HCFC1: variants seen among roughly 807,000 people sequenced by gnomAD.
The protein encoded by HCFC1 is host cell factor C1, also known as host cell factor 1.
In HCFC1, 7 loss-of-function variants were observed where a neutral mutation model predicts 105.5. The observed-to-expected ratio is 0.07, with a 90% confidence interval of 0.04 to 0.12. HCFC1 has a LOEUF of 0.12. Among genes scored for constraint, HCFC1 ranks in the 10% least tolerant of loss-of-function variants. HCFC1 has a pLI of 1.00. For missense variants in HCFC1, 1,065 were observed against 1,823.6 expected, an observed-to-expected ratio of 0.58 and a Z score of 7.58; for synonymous variants, 918 against 828.1, an observed-to-expected ratio of 1.11 and a Z score of -1.86.
chrX:153,956,807 G>A (rs781808002), intron 14 of HCFC1, 44 bp from the exon 15 acceptor site: 4 of 1,208,198 alleles, frequency 3.3e-6, no homozygotes, highest in Non-Finnish European at 4.5e-6. Context: ...CCACCAGGCT[G>A]GTAGATGCCA....
At chrX:153,963,456 G>A (rs1557117533) in intron 3 of HCFC1, 23 bp from the exon 4 acceptor site, 3 of 1,119,948 alleles carry the variant, frequency 2.7e-6, no homozygotes, top group South Asian at 1.9e-5. Flanking sequence ...GATCAGTTAC[G>A]GCAAGTCTCG....
At chrX:153,955,944 G>T (rs1436808232) in intron 16 of HCFC1, among the ~76,000 whole-genome samples, 1 of 113,334 alleles carries the variant, frequency 8.8e-6, no homozygotes, top group Non-Finnish European at 1.9e-5. Flanking sequence ...GTAGAACACT[G>T]CGAGAGGAAG....
intron 20 of HCFC1, 34 bp from the exon 21 acceptor site, chrX:153,951,741 C>A: frequency 1.7e-6 from 2 of 1,183,297 alleles, no homozygotes; most frequent in East Asian, 3.0e-5. Flanking sequence ...GGGAAAGACT[C>A]GGGAAACCTG....
Position 153,959,452 on chromosome X carries a change from G to A in HCFC1, c.1484C>T (p.Thr495Ile), listed in dbSNP as rs2065408490. Reference protein sequence around the residue: ...AVLKVTGPQATTGTPLVTMRP... With the variant: ...AVLKVTGPQAITGTPLVTMRP... ...CATGGTGACCAATGGAGTTCCTGTTGTAGCCTGAGGACCGGTCACTTTGAG... is the reference window on the plus strand; with the variant it reads ...CATGGTGACCAATGGAGTTCCTGTTATAGCCTGAGGACCGGTCACTTTGAG... Residue 495 changes from threonine (T) to isoleucine (I), a missense_variant, in exon 9 of 26, where the codon ACA (threonine) becomes ATA (isoleucine). This residue lies in a region of HCFC1 where 101 missense variants were observed against 155.1 expected (regional missense o/e 0.65). Transcript: ENST00000310441. 1 of 1,210,355 alleles carries A rather than the reference G, an allele frequency of 8.3e-7. No homozygotes were observed. The highest frequency in any genetic ancestry group is 1.1e-6 in the Non-Finnish European group (1 of 895,130).
At position 153,950,379 on chromosome X, in the gene HCFC1, G is replaced by A. The variant is rs782470344; in HGVS notation, c.5868C>T (p.Ser1956=). 13 of 1,210,850 alleles carry A rather than the reference G, an allele frequency of 1.1e-5. No homozygotes were observed. The highest frequency in any genetic ancestry group is 2.3e-4 in the Middle Eastern group (1 of 4,307). Residue 1956 remains serine, a synonymous_variant, in exon 24 of 26, where the codon AGC becomes AGT. Coordinates refer to ENST00000310441, the MANE Select transcript of HCFC1 (RefSeq NM_005334.3). ...LAFMRVYCGP[S]PSCLVQSSSL... is the part of the protein sequence containing the mutation. ...TGGAGGACTGCACCAGGCAGGAGGGGCTGGGCCCGCAGTACACCCGCATGA... is the reference window on the plus strand; with the variant it reads ...TGGAGGACTGCACCAGGCAGGAGGGACTGGGCCCGCAGTACACCCGCATGA...
At position 153,951,365 on chromosome X, in the gene HCFC1, A is replaced by C. The variant is rs2065309227; in HGVS notation, c.5502T>G (p.Asp1834Glu). The change falls in exon 22 of 26, where the codon GAT becomes GAG. Residue 1834 changes from aspartate to glutamate, a missense_variant. By Grantham distance (45) the Asp-to-Glu change is conservative. This residue lies in a region of HCFC1 where 17 missense variants were observed against 30.5 expected (regional missense o/e 0.56). Coordinates refer to ENST00000310441, the MANE Select transcript of HCFC1 (RefSeq NM_005334.3). ...GGACACTTACGTCTGATGGGACAGC[A>C]TCATCTGGTGGCAGGAAATAGTGTG... is the stretch of plus-strand genomic sequence containing the variant. The part of the protein sequence containing the change: ...MVTHYFLPPD[D>E]AVPSDDDLGT... 1 of 1,209,864 alleles carries C rather than the reference A, an allele frequency of 8.3e-7. No individual in the cohort carries two copies. Among genetic ancestry groups the C allele is most frequent in the African/African-American group, 1.7e-5 (1 of 57,195 alleles).
intron 2 of HCFC1, 77 bp from the exon 3 acceptor site, chrX:153,964,361 A>T (rs1000463445): frequency 6.9e-6 from 7 of 1,014,537 alleles, no homozygotes; most frequent in Admixed American, 2.9e-5. Flanking sequence ...CTTGTGGTGG[A>T]GGAGGAAATG....
intron 22 of HCFC1, 84 bp downstream of exon 22, chrX:153,951,266 T>TG: frequency 3.7e-6 from 4 of 1,071,227 alleles, no homozygotes; most frequent in Non-Finnish European, 5.2e-6. Context: ...GGCCCAAAGA[T>TG]GGAGGAGTTT....
chrX:153,958,091 C>G lies in HCFC1; in HGVS notation c.1962G>C (p.Val654=), dbSNP rs1202747320. Residue 654 remains valine, a synonymous_variant, in exon 11 of 26, where the codon GTG becomes GTC. Coordinates refer to ENST00000310441, the MANE Select transcript of HCFC1 (RefSeq NM_005334.3). The part of the protein sequence containing the change: ...AQQAQVVTTV[V]GGVTKTITLV... ...GGGTGATGGTCTTGGTGACCCCGCC[C>G]ACAACTGTGGTCACCACCTGGGCTT... is the stretch of plus-strand genomic sequence containing the variant. 8.3e-7 allele frequency: 1 copy of G among 1,210,713 alleles called. No homozygotes were observed. The highest frequency in any genetic ancestry group is 3.0e-5 in the East Asian group (1 of 33,772).
intron 16 of HCFC1, 112 bp downstream of exon 16, chrX:153,956,079 G>A (rs1308994902): frequency 8.6e-6 from 6 of 701,184 alleles, no homozygotes; most frequent in Admixed American, 2.7e-5. Flanking sequence ...GGCTGCACCC[G>A]GCAGCAGCGC....
intron 8 of HCFC1, 146 bp from the exon 9 acceptor site, chrX:153,959,637 G>A: frequency 1.1e-6 from 1 of 934,122 alleles, no homozygotes; most frequent in Non-Finnish European, 1.5e-6. Flanking sequence ...CATTTCCACA[G>A]GTGGGGCCAG....
At chrX:153,956,110 T>C in intron 16 of HCFC1, 81 bp downstream of exon 16, 1 of 933,992 alleles carries the variant, frequency 1.1e-6, no homozygotes. Context: ...AGGAAAGGCC[T>C]GTGGACGGAC....
rs201117046 is a variant in HCFC1, at chrX:153,959,376, G to T, written c.1560C>A (p.Pro520=). The part of the protein sequence containing the change: ...GKAPVTVTSL[P]AGVRMVVPTQ... Reference sequence around the variant, plus strand: ...TTGGCACAACCATCCGCACTCCGGCGGGAAGGGAGGTCACGGTGACAGGGG... The same window carrying T: ...TTGGCACAACCATCCGCACTCCGGCTGGAAGGGAGGTCACGGTGACAGGGG... Residue 520 remains proline (P), a synonymous_variant, in exon 9 of 26, where the codon CCC becomes CCA. Transcript: ENST00000310441. 3.3e-6 allele frequency: 4 copies of T among 1,210,607 alleles called. No homozygotes were observed. The highest frequency in any genetic ancestry group is 4.5e-6 in the Non-Finnish European group (4 of 895,169).
At chrX:153,962,462 A>G (rs1303928493) in intron 4 of HCFC1, among the ~76,000 whole-genome samples, 156 bp from the exon 5 acceptor site, 2 of 111,984 alleles carry the variant, frequency 1.8e-5, no homozygotes, top group Non-Finnish European at 3.8e-5. Context: ...GACTGTTGTC[A>G]TGGTAGCTAG....
Position 153,955,124 on chromosome X carries a change from G to T in HCFC1, c.3275C>A (p.Thr1092Asn), listed in dbSNP as rs1557114361. 8 of 1,211,054 alleles carry T rather than the reference G, an allele frequency of 6.6e-6. No homozygotes were observed. Among genetic ancestry groups the T allele is most frequent in the Non-Finnish European group, 8.9e-6 (8 of 895,211 alleles). The change falls in exon 17 of 26, where the codon ACC becomes AAC. Residue 1092 changes from threonine to asparagine, a missense_variant. By Grantham distance (65) the Thr-to-Asn change is moderately conservative. Coordinates refer to ENST00000310441, the MANE Select transcript of HCFC1 (RefSeq NM_005334.3). ...THETGTTNTATTATSNMAGQH... is the reference protein window; with the variant it reads ...THETGTTNTANTATSNMAGQH... ...CCCGGCCATGTTGGAGGTGGCGGTG[G>T]TGGCGGTGTTGGTGGTGCCCGTCTC...
Position 153,957,443 on chromosome X carries a change from T to C in HCFC1, c.2224A>G (p.Ser742Gly), listed in dbSNP as rs1280101939. The change falls in exon 13 of 26, where the codon AGT becomes GGT. Residue 742 changes from serine (S) to glycine (G), a missense_variant. Coordinates refer to ENST00000310441, the MANE Select transcript of HCFC1 (RefSeq NM_005334.3). ...ATGGTGGGCTTGGTCCCCGCCCCACTGGCCTGCGTGGTAGTGATGATGGTG... is the reference window on the plus strand; with the variant it reads ...ATGGTGGGCTTGGTCCCCGCCCCACCGGCCTGCGTGGTAGTGATGATGGTG... ...PTTIITTTQA[S>G]GAGTKPTILG... 8.3e-7 allele frequency: 1 copy of C among 1,208,587 alleles called. No individual in the cohort carries two copies. Among genetic ancestry groups the C allele is most frequent in the Non-Finnish European group, 1.1e-6 (1 of 894,033 alleles).
Position 153,955,102 on chromosome X carries a change from G to A in HCFC1, c.3297C>T (p.Ala1099=), listed in dbSNP as rs782573128. The change falls in exon 17 of 26, where the codon GCC becomes GCT. Residue 1099 remains alanine, a synonymous_variant. Transcript: ENST00000310441. ...NTATTATSNM[A]GQHGCSNPPC... is the part of the protein sequence containing the mutation. ...GTGGGTTTGAGCAGCCATGCTGCCC[G>A]GCCATGTTGGAGGTGGCGGTGGTGG... 7 of 1,208,928 alleles carry A rather than the reference G, an allele frequency of 5.8e-6. No homozygotes were observed. Among genetic ancestry groups the A allele is most frequent in the East Asian group, 5.9e-5 (2 of 33,671 alleles).
chrX:153,956,482 G>T, intron 15 of HCFC1, 71 bp from the exon 16 acceptor site: 1 of 1,119,207 alleles, frequency 8.9e-7, no homozygotes, highest in Non-Finnish European at 1.2e-6. Context: ...TCCTGCACAG[G>T]CTGGGGCACT....
Position 153,954,735 on chromosome X carries a change from T to C in HCFC1, c.3664A>G (p.Ser1222Gly). 8.5e-7 allele frequency: 1 copy of C among 1,180,094 alleles called. No homozygotes were observed. The highest frequency in any genetic ancestry group is 1.1e-6 in the Non-Finnish European group (1 of 879,955). Residue 1222 changes from serine (S) to glycine (G), a missense_variant, in exon 17 of 26, where the codon AGC (serine) becomes GGC (glycine). Ser to Gly is a moderately conservative substitution (Grantham distance 56, BLOSUM62 0). Coordinates refer to ENST00000310441, the MANE Select transcript of HCFC1 (RefSeq NM_005334.3). ...APLSSKVRLSSPSIKDLPAGR... is the reference protein window; with the variant it reads ...APLSSKVRLSGPSIKDLPAGR... ...GCAGGAAGGTCCTTAATGCTTGGGC[T>C]GCTCAGCCTGACTTTGCTGCTCAGA...
Sources: gnomAD v4.1 joint callset for allele counts (sites outside exome capture counted in the v4.1 genomes callset) on GRCh38, gnomAD v4.1.1 for gene constraint, gnomAD v4.1.1 regional missense constraint, MANE v1.5 for transcripts, NCBI Gene and HGNC (gene_info 2026-07-23, HGNC 2026-07-21) for gene names.